Variants in PEG3 observed in about 807,000 individuals in gnomAD.
The protein encoded by PEG3 is paternally expressed 3.
In PEG3, 23 loss-of-function variants were observed where a neutral mutation model predicts 35.5. The ratio of observed to expected loss-of-function variants is 0.65; its 90% CI spans 0.47 to 0.92. The LOEUF (loss-of-function observed/expected upper bound fraction) is 0.92. Ranked by LOEUF, PEG3 falls within the 40% of genes least tolerant of loss-of-function variation. The pLI, the probability that PEG3 is intolerant of heterozygous loss-of-function variation, is 0.00. For missense variants in PEG3, 1,960 were observed against 1,985.3 expected (o/e 0.99, Z 0.24); for synonymous variants, 707 against 697.0 (o/e 1.01, Z -0.23).
rs563793687 is a variant in PEG3, at chr19:56,824,209, C to A, written c.394+53G>T. 5.8e-5 allele frequency: 92 copies of A among 1,581,646 alleles called. 2 individuals are homozygous for A. The South Asian group carries it at 9.4e-4, about 16-fold the overall frequency. ...TCAGAAGTGTGGAGGCTGAGAGCCCCAGGGGACACCTGAGGCCTGCACTGA... is the reference window on the plus strand; with the variant it reads ...TCAGAAGTGTGGAGGCTGAGAGCCCAAGGGGACACCTGAGGCCTGCACTGA... On this transcript the variant is annotated intron_variant, in intron 4 of 9. Coordinates refer to ENST00000326441, the MANE Select transcript of PEG3 (RefSeq NM_006210.3).
At position 56,816,772 on chromosome 19, in the gene PEG3, T is replaced by C. The variant is rs1485058187; in HGVS notation, c.1670A>G (p.Tyr557Cys). Residue 557 changes from tyrosine (Y) to cysteine (C), a missense_variant, in exon 10 of 10, where the codon TAT becomes TGT. Physicochemically the swap from Tyr to Cys is radical, Grantham distance 194. Transcript: ENST00000326441. ...GCACTCGTAGAATTTGTCTTTGCCA[T>C]ATATTTTCTGAAGCTCACTAAAGGT... The part of the protein sequence containing the change: ...SPTFSELQKI[Y>C]GKDKFYECRV... 14 of 1,614,160 alleles carry C rather than the reference T, an allele frequency of 8.7e-6. No individual in the cohort carries two copies. Among genetic ancestry groups the C allele is most frequent in the Non-Finnish European group, 1.2e-5 (14 of 1,180,012 alleles).
rs773045767 is a variant in PEG3, at chr19:56,836,093, A to T, written c.-238T>A. 6.1e-6 allele frequency: 3 copies of T among 488,360 alleles called. No individual in the cohort carries two copies. The highest frequency in any genetic ancestry group is 1.2e-5 in the Non-Finnish European group (3 of 244,324). The allele number at this position is 488,360 out of a possible 1,614,324, so 30.3% of individuals were successfully genotyped here. ...TCGTCTCCAAGAAGGACGGAAGATC[A>T]AGAAGGCAAAGCTGTAGAGGAAAAG... is the stretch of plus-strand genomic sequence containing the variant. On this transcript the variant is annotated 5_prime_UTR_variant, in exon 2 of 10. Coordinates refer to ENST00000326441, the MANE Select transcript of PEG3 (RefSeq NM_006210.3).
At chr19:56,831,316 T>C (rs1222572512) in intron 2 of PEG3, among the ~76,000 whole-genome samples, 1 of 152,182 alleles carries the variant, frequency 6.6e-6, no homozygotes, top group Non-Finnish European at 1.5e-5. Context: ...GGACTGGAAA[T>C]GGATTCCTTA....
rs774111387 is a variant in PEG3, at chr19:56,823,689, C to T, written c.395-10G>A. On this transcript the variant is annotated splice_polypyrimidine_tract_variant and intron_variant, in intron 4 of 9. Coordinates refer to ENST00000326441, the MANE Select transcript of PEG3 (RefSeq NM_006210.3). ...TCACTGTTGTTGTCGTCTAAGAGGACACCGGTCGCCAAGTTACTATCTCTG... is the reference window on the plus strand; with the variant it reads ...TCACTGTTGTTGTCGTCTAAGAGGATACCGGTCGCCAAGTTACTATCTCTG... 2.0e-5 allele frequency: 32 copies of T among 1,614,006 alleles called. No individual in the cohort carries two copies. Among genetic ancestry groups the T allele is most frequent in the Non-Finnish European group, 2.6e-5 (31 of 1,180,022 alleles).
chr19:56,831,548 A>G (rs1362375337), intron 2 of PEG3, among the ~76,000 whole-genome samples: 1 of 152,254 alleles, frequency 6.6e-6, no homozygotes, highest in Non-Finnish European at 1.5e-5. Context: ...CTGGAAGGCT[A>G]AGGCCACTAG....
rs191086840 is a variant in PEG3 at position 56,833,809 on chromosome 19, T to G, written c.-163+2209A>C. The G allele has an allele frequency of 2.6e-5, 4 of 152,624 alleles. No individual in the cohort carries two copies. The East Asian group carries it at 7.8e-4, about 30-fold the overall frequency. 9.5% of individuals were successfully genotyped at this position (152,624 alleles called of 1,614,324 possible). A position where few individuals can be genotyped will look rare whatever the true frequency, so the allele number is the denominator to read the frequency against. On this transcript the variant is annotated intron_variant, in intron 2 of 9. Transcript: ENST00000326441. ...GGACATAGGGACTTTAGAGGGAAAA[T>G]TTTATATAGGAGCAAGGAGTAAATG...
In PEG3 at chr19:56,813,926, C is replaced by T. The variant is rs368209554; in HGVS notation, c.4516G>A (p.Asp1506Asn). The T allele has an allele frequency of 6.2e-7, 1 of 1,614,198 alleles. No individual in the cohort carries two copies. The highest frequency in any genetic ancestry group is 8.5e-7 in the Non-Finnish European group (1 of 1,180,034). Residue 1506 changes from aspartate to asparagine, a missense_variant, in exon 10 of 10, where the codon GAC becomes AAC. By Grantham distance (23) the Asp-to-Asn change is conservative (BLOSUM62 1). This residue lies in a region of PEG3 where 416 missense variants were observed against 416.7 expected (regional missense o/e 1.00). Transcript: ENST00000326441. ...QEIQVEEPYY[D>N]CHECTETFTS... ...AAGGTTTCTGTGCATTCATGGCAGT[C>T]ATAGTATGGTTCTTCTACCTGAATC...
intron 6 of PEG3, among the ~76,000 whole-genome samples, chr19:56,822,306 T>C (rs1023948243): frequency 3.9e-5 from 6 of 152,308 alleles, no homozygotes; most frequent in Admixed American, 6.5e-5. Flanking sequence ...GGTGTGATGA[T>C]TGATTCCCTT....
chr19:56,835,055 C>A (rs1601258041), intron 2 of PEG3, among the ~76,000 whole-genome samples: 1 of 152,180 alleles, frequency 6.6e-6, no homozygotes, highest in East Asian at 1.9e-4. Context: ...AGTGAGGAGT[C>A]TCCCTCCTCA....
rs901448811 is a variant in PEG3 at position 56,812,915 on chromosome 19, A to C, written c.*760T>G. On this transcript the variant is annotated 3_prime_UTR_variant, in exon 10 of 10. Coordinates refer to ENST00000326441, the MANE Select transcript of PEG3 (RefSeq NM_006210.3). ...GTGGCAACCAATCAATCTGGGTCACAAAAAGCCAATCCGTATATTGTAAAG... is the reference window on the plus strand; with the variant it reads ...GTGGCAACCAATCAATCTGGGTCACCAAAAGCCAATCCGTATATTGTAAAG... 25 of 985,692 alleles carry C rather than the reference A, an allele frequency of 2.5e-5. No homozygotes were observed. The highest frequency in any genetic ancestry group is 3.0e-5 in the Non-Finnish European group (25 of 829,904). 61.1% of individuals were successfully genotyped at this position (985,692 alleles called of 1,614,324 possible).
intron 2 of PEG3, among the ~76,000 whole-genome samples, chr19:56,830,800 T>C (rs1568706283): frequency 6.6e-6 from 1 of 152,054 alleles, no homozygotes; most frequent in East Asian, 1.9e-4. Context: ...CCGGGTGTGG[T>C]GGCATGAGCC....
intron 7 of PEG3, 88 bp downstream of exon 7, chr19:56,821,563 C>A: frequency 6.6e-7 from 1 of 1,510,790 alleles, no homozygotes; most frequent in South Asian, 1.2e-5. Flanking sequence ...CTCTAGGGGG[C>A]AGATAAACAC....
chr19:56,834,539 A>G (rs1313147967), intron 2 of PEG3, among the ~76,000 whole-genome samples: 2 of 152,220 alleles, frequency 1.3e-5, no homozygotes, highest in African/African-American at 4.8e-5. Flanking sequence ...ACCATGAATT[A>G]ATAAACCAGA....
rs1568670816 is a variant in PEG3, at chr19:56,822,921, A to G, written c.482-85T>C. On this transcript the variant is annotated intron_variant, in intron 5 of 9. Transcript: ENST00000326441. ...CATGTGCACAAACACCCCTCTGGAAAGAGATGCTACCCTCTTCCCACAAGG... is the reference window on the plus strand; with the variant it reads ...CATGTGCACAAACACCCCTCTGGAAGGAGATGCTACCCTCTTCCCACAAGG... The G allele has an allele frequency of 2.0e-6, 3 of 1,524,502 alleles. No individual in the cohort carries two copies. In the East Asian group the frequency reaches 7.3e-5, roughly 37 times the overall value. The allele number at this position is 1,524,502 out of a possible 1,614,324, so 94.4% of individuals were successfully genotyped here. A position where few individuals can be genotyped will look rare whatever the true frequency, so the allele number is the denominator to read the frequency against.
rs752187282 is a variant in PEG3 at position 56,815,765 on chromosome 19, C to T, written c.2677G>A (p.Asp893Asn). The T allele has an allele frequency of 1.2e-6, 2 of 1,613,740 alleles. No individual in the cohort carries two copies. Among genetic ancestry groups the T allele is most frequent in the South Asian group, 2.2e-5 (2 of 91,048 alleles). Reference protein sequence around the residue: ...EGGSKNRNYEDSVIQSVFRAK... With the variant: ...EGGSKNRNYENSVIQSVFRAK... ...CGGAATACACTCTGTATGACAGAGT[C>T]TTCATAGTTGCGATTCTTACTGCCC... The change falls in exon 10 of 10, where the codon GAC (aspartate) becomes AAC (asparagine). Residue 893 changes from aspartate (D) to asparagine (N), a missense_variant. By Grantham distance (23) the Asp-to-Asn change is conservative. Coordinates refer to ENST00000326441, the MANE Select transcript of PEG3 (RefSeq NM_006210.3).
At chr19:56,817,957 T>C (rs1600969930) in intron 8 of PEG3, 122 bp from the exon 9 acceptor site, 1 of 716,866 alleles carries the variant, frequency 1.4e-6, no homozygotes, top group Non-Finnish European at 2.4e-6. Flanking sequence ...ATCTGATTCC[T>C]TGGATGTCAG....
Position 56,811,259 on chromosome 19 carries a change from A to C in PEG3, c.*2416T>G, listed in dbSNP as rs144123248. The stretch of plus-strand genomic sequence containing the variant: ...GCTCAACTATAAGCCTACAACAACA[A>C]CACCACAACAGCTTTTGACTATAAG... On this transcript the variant is annotated 3_prime_UTR_variant, in exon 10 of 10. Coordinates refer to ENST00000326441, the MANE Select transcript of PEG3 (RefSeq NM_006210.3). 998 of 942,138 alleles carry C rather than the reference A, an allele frequency of 1.1e-3. 2 individuals are homozygous for C. The highest frequency in any genetic ancestry group is 1.2e-3 in the Non-Finnish European group (931 of 790,776). 58.4% of individuals were successfully genotyped at this position (942,138 alleles called of 1,614,324 possible). A position where few individuals can be genotyped will look rare whatever the true frequency, so the allele number is the denominator to read the frequency against.
At position 56,813,100 on chromosome 19, in the gene PEG3, C is replaced by G; in HGVS notation, c.*575G>C. On this transcript the variant is annotated 3_prime_UTR_variant, in exon 10 of 10. Coordinates refer to ENST00000326441, the MANE Select transcript of PEG3 (RefSeq NM_006210.3). ...TTAAGGGTAAGAAACAAAACAATTA[C>G]TCAAAAAGATATTGACAGGGTTCAA... is the stretch of plus-strand genomic sequence containing the variant. 7 of 984,742 alleles carry G rather than the reference C, an allele frequency of 7.1e-6. No individual in the cohort carries two copies. Among genetic ancestry groups the G allele is most frequent in the Non-Finnish European group, 8.4e-6 (7 of 829,452 alleles). 61.0% of individuals were successfully genotyped at this position (984,742 alleles called of 1,614,324 possible). A position where few individuals can be genotyped will look rare whatever the true frequency, so the allele number is the denominator to read the frequency against.
rs2060719184 is a variant in PEG3 at position 56,823,632 on chromosome 19, T to C, written c.442A>G (p.Arg148Gly). ...VTSDDDMTRN[R>G]RESSPPHSVH... is the part of the protein sequence containing the mutation. ...GAGTGAGGTGGTGAGGACTCTCTTC[T>C]GTTCCGGGTCATGTCGTCGTCGCTG... The change falls in exon 5 of 10, where the codon AGA (arginine) becomes GGA (glycine). Residue 148 changes from arginine to glycine, a missense_variant. Physicochemically the swap from Arg to Gly is moderately radical, Grantham distance 125. This residue lies in a region of PEG3 where 613 missense variants were observed against 577.1 expected (regional missense o/e 1.06). Coordinates refer to ENST00000326441, the MANE Select transcript of PEG3 (RefSeq NM_006210.3). 3.1e-6 allele frequency: 5 copies of C among 1,614,178 alleles called. No homozygotes were observed. Among genetic ancestry groups the C allele is most frequent in the Non-Finnish European group, 4.2e-6 (5 of 1,180,024 alleles).
Sources: gnomAD v4.1 joint callset for allele counts (sites outside exome capture counted in the v4.1 genomes callset) on GRCh38, gnomAD v4.1.1 for gene constraint, gnomAD v4.1.1 regional missense constraint, MANE v1.5 for transcripts, NCBI Gene and HGNC (gene_info 2026-07-23, HGNC 2026-07-21) for gene names.